Variants in MRPL47 observed in about 807,000 individuals in gnomAD.
The protein encoded by MRPL47 is mitochondrial ribosomal protein L47, also known as large ribosomal subunit protein uL29m.
In MRPL47, 31 loss-of-function variants were observed where a neutral mutation model predicts 34.0. That is an observed-to-expected ratio of 0.91 (90% CI 0.68 to 1.23). MRPL47 has a LOEUF of 1.23. MRPL47 is among the 50% of genes most tolerant of loss of function. The pLI is 0.00. For synonymous variants in MRPL47, 106 were observed against 101.6 expected (o/e 1.04, Z -0.26); for missense variants, 328 against 285.8 (o/e 1.15, Z -1.07).
rs139936789 is a variant in MRPL47 at position 179,598,577 on chromosome 3, GA to G, written c.402+97del. 571 of 804,484 alleles carry G rather than the reference GA, an allele frequency of 7.1e-4. 7 individuals carry two copies. Among genetic ancestry groups the G allele is most frequent in the Non-Finnish European group, 8.2e-4 (387 of 473,344 alleles). The allele number at this position is 804,484 out of a possible 1,614,324, so 49.8% of individuals were successfully genotyped here. ...AATTTACTAAAAATCAAACGAATAA[GA>G]AAAAAAAATCTATTTGACAAGAAAT... On this transcript the variant is annotated intron_variant, in intron 4 of 6. Coordinates refer to ENST00000476781, the MANE Select transcript of MRPL47 (RefSeq NM_020409.3).
At chr3:179,595,672 C>A (rs1261107829) in intron 4 of MRPL47, among the ~76,000 whole-genome samples, 2 of 152,178 alleles carry the variant, frequency 1.3e-5, no homozygotes, top group African/African-American at 4.8e-5. Flanking sequence ...TGTTAGCTCA[C>A]AAAGATAGAA....
At position 179,602,810 on chromosome 3, in the gene MRPL47, A is replaced by G. The variant is rs772868030; in HGVS notation, c.99-13T>C. On this transcript the variant is annotated splice_polypyrimidine_tract_variant and intron_variant, in intron 1 of 6. Transcript: ENST00000476781. ...ACTAAGAAAAAACCTGCAATTGAAC[A>G]CACATAAACAAGTAAAAGTTTTATA... 1.9e-6 allele frequency: 3 copies of G among 1,576,244 alleles called. No homozygotes were observed. The highest frequency in any genetic ancestry group is 2.3e-5 in the East Asian group (1 of 44,018).
At chr3:179,595,744 G>GA (rs1448679276) in intron 4 of MRPL47, among the ~76,000 whole-genome samples, 1 of 152,188 alleles carries the variant, frequency 6.6e-6, no homozygotes, top group Non-Finnish European at 1.5e-5. Context: ...AAATGTGAAG[G>GA]AAAATCAAAA....
At chr3:179,602,938 A>T (rs1238818958) in intron 1 of MRPL47, 141 bp from the exon 2 acceptor site, 3 of 707,524 alleles carry the variant, frequency 4.2e-6, no homozygotes, top group African/African-American at 3.8e-5. Context: ...ACAAGAATTA[A>T]TTTTTTTTTC....
At chr3:179,602,618 ATATATCT>A in intron 2 of MRPL47, 27 bp downstream of exon 2, 1 of 1,442,162 alleles carries the variant, frequency 6.9e-7, no homozygotes. Context: ...GGTTCCATAA[ATATATCT>A]AATGTTGACA....
At chr3:179,594,046 C>A (rs2108380251) in intron 4 of MRPL47, 151 bp from the exon 5 acceptor site, 1 of 670,904 alleles carries the variant, frequency 1.5e-6, no homozygotes, top group Non-Finnish European at 2.5e-6. Context: ...ATCTTTTTGG[C>A]ACAAGTATGT....
Position 179,592,682 on chromosome 3 carries a change from T to C in MRPL47, c.591A>G (p.Lys197=). 1 of 1,613,964 alleles carries C rather than the reference T, an allele frequency of 6.2e-7. No homozygotes were observed. The highest frequency in any genetic ancestry group is 8.5e-7 in the Non-Finnish European group (1 of 1,179,864). The change falls in exon 6 of 7, where the codon AAA becomes AAG. Residue 197 remains lysine (K), a synonymous_variant. Coordinates refer to ENST00000476781, the MANE Select transcript of MRPL47 (RefSeq NM_020409.3). ...CCACATAAGGCAAGGCAAAGAATCG[T>C]TTCCTATTGTATCTTTTATTTAGGT... ...PWHLNKRYNR[K]RFFALPYVDH...
intron 4 of MRPL47, among the ~76,000 whole-genome samples, chr3:179,596,077 A>G (rs1718782221): frequency 6.6e-6 from 1 of 152,234 alleles, no homozygotes; most frequent in Non-Finnish European, 1.5e-5. Context: ...TCTGAAGAGA[A>G]GCACATATAG....
intron 3 of MRPL47, among the ~76,000 whole-genome samples, chr3:179,599,289 T>C (rs908726468): frequency 3.9e-5 from 6 of 152,198 alleles, no homozygotes; most frequent in East Asian, 1.9e-4. Context: ...ATTTGCCACA[T>C]GTATTAAGTG....
rs573627731 is a variant in MRPL47 at position 179,588,926 on chromosome 3, A to G, written c.699T>C (p.Ile233=). 3 of 1,613,800 alleles carry G rather than the reference A, an allele frequency of 1.9e-6. No individual in the cohort carries two copies. In the Admixed American group the frequency reaches 5.0e-5, roughly 27 times the overall value. ...KENLERKKAK[I]LLKKFPHLAE... ...CAAGATGTGGAAACTTTTTTAAAAG[A>G]ATTTTTGCTTTCTTTCTCTCTAAAT... The change falls in exon 7 of 7, where the codon ATT becomes ATC. Residue 233 remains isoleucine (I), a synonymous_variant. Coordinates refer to ENST00000476781, the MANE Select transcript of MRPL47 (RefSeq NM_020409.3).
intron 6 of MRPL47, among the ~76,000 whole-genome samples, chr3:179,591,765 T>C (rs1457761844): frequency 6.6e-6 from 1 of 152,208 alleles, no homozygotes; most frequent in African/African-American, 2.4e-5. Context: ...TACATATAGA[T>C]ACAAGAATAG....
chr3:179,597,241 CCTT>C (rs1718808424), intron 4 of MRPL47, among the ~76,000 whole-genome samples: 2 of 152,136 alleles, frequency 1.3e-5, no homozygotes, highest in African/African-American at 2.4e-5. Flanking sequence ...ATCAGAATAA[CCTT>C]CTCCATAATT....
intron 2 of MRPL47, 57 bp from the exon 3 acceptor site, chr3:179,601,847 A>T (rs188321893): frequency 7.7e-7 from 1 of 1,291,910 alleles, no homozygotes. Context: ...CCTTTGGCAA[A>T]TTATTTAAGC....
At position 179,604,631 on chromosome 3, in the gene MRPL47, G is replaced by A. The variant is rs114460506; in HGVS notation, c.-7C>T. The A allele has an allele frequency of 2.9e-5, 46 of 1,613,946 alleles. No homozygotes were observed. In the Admixed American group the frequency reaches 7.2e-4, roughly 25 times the overall value. On this transcript the variant is annotated 5_prime_UTR_variant, in exon 1 of 7. The change creates a premature stop within an existing upstream ORF in the 5' untranslated region. Transcript: ENST00000476781. ...CCAAACCGGCCGCAGCCATGTTTTCGCATAACTGGCAAAACGCGTTTCCGC... is the reference window on the plus strand; with the variant it reads ...CCAAACCGGCCGCAGCCATGTTTTCACATAACTGGCAAAACGCGTTTCCGC...
intron 5 of MRPL47, among the ~76,000 whole-genome samples, chr3:179,593,440 T>C (rs1165311792): frequency 1.3e-5 from 2 of 152,206 alleles, no homozygotes; most frequent in Non-Finnish European, 2.9e-5. Flanking sequence ...TACATGTACA[T>C]TTTTCTGAGG....
rs866870133 is a variant in MRPL47, at chr3:179,588,541, C to A, written c.*331G>T. Reference sequence around the variant, plus strand: ...TAGCCTATTAACAACAGAGGTAAAACTATTATTCAAATTCAAAAACTACGG... The same window carrying A: ...TAGCCTATTAACAACAGAGGTAAAAATATTATTCAAATTCAAAAACTACGG... On this transcript the variant is annotated 3_prime_UTR_variant, in exon 7 of 7. Coordinates refer to ENST00000476781, the MANE Select transcript of MRPL47 (RefSeq NM_020409.3). 5.0e-6 allele frequency: 1 copy of A among 200,738 alleles called. No homozygotes were observed. Among genetic ancestry groups the A allele is most frequent in the Middle Eastern group, 2.2e-3 (1 of 456 alleles). The allele number at this position is 200,738 out of a possible 1,614,324, so 12.4% of individuals were successfully genotyped here. A position where few individuals can be genotyped will look rare whatever the true frequency, so the allele number is the denominator to read the frequency against.
rs1042452315 is a variant in MRPL47 at position 179,602,670 on chromosome 3, G to A, written c.226C>T (p.Gln76Ter). 1.9e-6 allele frequency: 3 copies of A among 1,587,004 alleles called. No homozygotes were observed. Among genetic ancestry groups the A allele is most frequent in the Non-Finnish European group, 2.6e-6 (3 of 1,168,614 alleles). The change falls in exon 2 of 7, where the codon CAA (glutamine) becomes TAA (stop). Residue 76 changes from glutamine (Q) to a stop codon, truncating the protein, a stop_gained. Transcript: ENST00000476781. LOFTEE classifies it high-confidence loss of function. ...ATCTCACCAGATTTTACTTTTTCTT[G>A]CCCCCAGTTTTTTGGGTCATCAAAA... Reference protein sequence around the residue: ...EFFDDPKNWGQEKVKSGAAWT... With the variant: ...EFFDDPKNWG
intron 6 of MRPL47, among the ~76,000 whole-genome samples, chr3:179,590,158 G>C (rs916772748): frequency 1.3e-5 from 2 of 152,088 alleles, no homozygotes; most frequent in Non-Finnish European, 2.9e-5. Context: ...GGCCAACATG[G>C]TGAAACCCTG....
At chr3:179,601,597 C>A (rs1041476141) in intron 3 of MRPL47, 133 bp downstream of exon 3, 5 of 607,228 alleles carry the variant, frequency 8.2e-6, no homozygotes, top group Non-Finnish European at 1.2e-5. Context: ...TCTTAAACAT[C>A]AGATTTATCA....
Sources: allele counts gnomAD v4.1 joint callset (sites outside exome capture counted in the v4.1 genomes callset), GRCh38; gene constraint gnomAD v4.1.1; transcripts MANE v1.5; gene names NCBI Gene and HGNC (gene_info 2026-07-23, HGNC 2026-07-21).